SMAD1: variants seen among roughly 807,000 people sequenced by gnomAD.
SMAD1 encodes the protein MAD, mothers against decapentaplegic homolog 1.
A neutral mutation model predicts 41.6 loss-of-function variants in SMAD1; 6 were observed. That is an observed-to-expected ratio of 0.14 (90% CI 0.08 to 0.28). The LOEUF (loss-of-function observed/expected upper bound fraction) is 0.28. Among genes scored for constraint, SMAD1 ranks in the 10% least tolerant of loss-of-function variants. SMAD1 has a pLI of 1.00. For missense variants in SMAD1, 379 were observed against 582.6 expected, an observed-to-expected ratio of 0.65 and a Z score of 3.60; for synonymous variants, 206 against 203.2, an observed-to-expected ratio of 1.01 and a Z score of -0.12.
At chr4:145,537,843 C>G (rs1471413707) in intron 2 of SMAD1, among the ~76,000 whole-genome samples, 1 of 152,164 alleles carries the variant, frequency 6.6e-6, no homozygotes. Context: ...TGTTAGGAAA[C>G]AAGAGCTGCT....
intron 2 of SMAD1, among the ~76,000 whole-genome samples, chr4:145,519,752 T>G (rs1730637217): frequency 6.6e-6 from 1 of 152,158 alleles, no homozygotes; most frequent in Non-Finnish European, 1.5e-5. Context: ...AACTTACTAC[T>G]TCTAGCTTAA....
In SMAD1 at chr4:145,558,887, C is replaced by T. The variant is rs1236456319; in HGVS notation, c.*953C>T. On this transcript the variant is annotated 3_prime_UTR_variant, in exon 7 of 7. Transcript: ENST00000302085. ...ATATGGAGTGCTTGAATTTAATAAG[C>T]AGTTTTTACGGAGTTTACAGTACAG... Among the ~76,000 whole-genome samples the T allele has an allele frequency of 1.3e-5, 2 of 152,122 alleles. No homozygotes were observed. Among genetic ancestry groups the T allele is most frequent in the Non-Finnish European group, 2.9e-5 (2 of 68,024 alleles).
At chr4:145,539,720 A>G in intron 2 of SMAD1, 84 bp from the exon 3 acceptor site, 1 of 1,358,492 alleles carries the variant, frequency 7.4e-7, no homozygotes, top group Non-Finnish European at 1.0e-6. Flanking sequence ...TGTTGTTTAC[A>G]GATTATGTTT....
intron 5 of SMAD1, among the ~76,000 whole-genome samples, chr4:145,553,026 T>C (rs1732635831): frequency 6.6e-6 from 1 of 151,662 alleles, no homozygotes; most frequent in African/African-American, 2.4e-5. Flanking sequence ...CACCTCAGCC[T>C]CTGTGTAACT....
chr4:145,529,768 C>T (rs1731223757), intron 2 of SMAD1, among the ~76,000 whole-genome samples: 1 of 152,100 alleles, frequency 6.6e-6, no homozygotes, highest in East Asian at 1.9e-4. Flanking sequence ...GTTCAAGTTC[C>T]ACAGCTACTT....
chr4:145,485,929 T>C (rs1728459739), intron 1 of SMAD1, among the ~76,000 whole-genome samples: 2 of 152,248 alleles, frequency 1.3e-5, no homozygotes, highest in South Asian at 4.1e-4. Context: ...AATGATTCAG[T>C]ATCTTGCTTC....
intron 2 of SMAD1, among the ~76,000 whole-genome samples, chr4:145,526,656 C>T (rs1433575285): frequency 6.6e-6 from 1 of 151,434 alleles, no homozygotes; most frequent in African/African-American, 2.4e-5. Flanking sequence ...GGGAGAAAAA[C>T]AGGAATCCAT....
chr4:145,495,803 A>T, intron 1 of SMAD1, among the ~76,000 whole-genome samples: 1 of 131,396 alleles, frequency 7.6e-6, no homozygotes, highest in South Asian at 2.2e-4. Flanking sequence ...TTTTTTAAAT[A>T]AAGGCTATGT....
chr4:145,554,363 T>A (rs1449697805), intron 6 of SMAD1, among the ~76,000 whole-genome samples: 1 of 152,212 alleles, frequency 6.6e-6, no homozygotes, highest in Admixed American at 6.5e-5. Context: ...AATACATGGT[T>A]GTTTTACGAG....
intron 1 of SMAD1, among the ~76,000 whole-genome samples, chr4:145,511,635 A>G (rs547365592): frequency 2.3e-4 from 35 of 152,300 alleles, no homozygotes; most frequent in Middle Eastern, 3.4e-3. Flanking sequence ...TTGTTGCTTT[A>G]TTATGACATG....
At chr4:145,507,792 T>A (rs1445974291) in intron 1 of SMAD1, among the ~76,000 whole-genome samples, 1 of 152,122 alleles carries the variant, frequency 6.6e-6, no homozygotes, top group African/African-American at 2.4e-5. Context: ...GCTTTTGACA[T>A]AAACTAAGGC....
rs1450461267 is a variant in SMAD1 at position 145,558,761 on chromosome 4, T to C, written c.*827T>C. 6.6e-6 allele frequency among the ~76,000 whole-genome samples: 1 copy of C among 152,178 alleles called. No individual in the cohort carries two copies. The highest frequency in any genetic ancestry group is 1.5e-5 in the Non-Finnish European group (1 of 68,034). ...CTCTCGGCATTCTTTTTTCTCATAC[T>C]CTTCAAAAAGCAGTTCTGCAGCTGG... On this transcript the variant is annotated 3_prime_UTR_variant, in exon 7 of 7. Transcript: ENST00000302085.
chr4:145,529,866 A>G (rs1474244934), intron 2 of SMAD1, among the ~76,000 whole-genome samples: 1 of 152,214 alleles, frequency 6.6e-6, no homozygotes, highest in Non-Finnish European at 1.5e-5. Flanking sequence ...GTATTCACCC[A>G]GAATTGCTGA....
intron 3 of SMAD1, among the ~76,000 whole-genome samples, chr4:145,541,952 A>G (rs1267894543): frequency 1.3e-5 from 2 of 152,248 alleles, no homozygotes; most frequent in Non-Finnish European, 1.5e-5. Context: ...GAAGAAACAT[A>G]TATGTAAATT....
chr4:145,518,449 A>G (rs1239410002), intron 2 of SMAD1, among the ~76,000 whole-genome samples: 3 of 120,396 alleles, frequency 2.5e-5, no homozygotes, highest in African/African-American at 8.0e-5. Flanking sequence ...AGATCATGCC[A>G]TTGCACTCCA....
intron 5 of SMAD1, among the ~76,000 whole-genome samples, chr4:145,553,154 G>C (rs1732647292): frequency 1.3e-5 from 2 of 149,550 alleles, no homozygotes; most frequent in East Asian, 3.9e-4. Flanking sequence ...CAAGCAACCT[G>C]TCCACCATGG....
chr4:145,517,492 T>C (rs950765317), intron 2 of SMAD1, among the ~76,000 whole-genome samples: 3 of 152,118 alleles, frequency 2.0e-5, no homozygotes, highest in African/African-American at 4.8e-5. Flanking sequence ...TTCTTCACAC[T>C]TATAATGATT....
chr4:145,505,742 C>G (rs1729738677), intron 1 of SMAD1, among the ~76,000 whole-genome samples: 1 of 152,016 alleles, frequency 6.6e-6, no homozygotes, highest in African/African-American at 2.4e-5. Context: ...CAAGACCAGT[C>G]TATCTGTTTA....
At chr4:145,536,240 C>T (rs1353409131) in intron 2 of SMAD1, among the ~76,000 whole-genome samples, 2 of 152,098 alleles carry the variant, frequency 1.3e-5, no homozygotes, top group African/African-American at 4.8e-5. Context: ...CACACGCACA[C>T]ACACAGGGCT....
Sources: allele counts gnomAD v4.1 joint callset (sites outside exome capture counted in the v4.1 genomes callset), GRCh38; gene constraint gnomAD v4.1.1; transcripts MANE v1.5; gene names NCBI Gene and HGNC (gene_info 2026-07-23, HGNC 2026-07-21).